The following CERT1 variants were observed in gnomAD, a reference collection of about 807,000 sequenced individuals.
CERT1 encodes the protein ceramide transporter 1, also known as ceramide transfer protein.
Under a neutral mutation model 87.9 loss-of-function variants are expected in CERT1, and 31 were observed. That is an observed-to-expected ratio of 0.35 (90% CI 0.27 to 0.48). The LOEUF (loss-of-function observed/expected upper bound fraction) is 0.48. CERT1 is among the 20% of genes least tolerant of loss of function. The probability of loss-of-function intolerance (pLI) is 0.99; values close to 1 mark genes in which losing one functional copy is unlikely to be tolerated. For missense variants in CERT1, 487 were observed against 758.0 expected (o/e 0.64, Z 4.20); for synonymous variants, 289 against 250.9 (o/e 1.15, Z -1.44).
chr5:75,432,502 T>C (rs1426140287), intron 3 of CERT1, among the ~76,000 whole-genome samples: 1 of 152,256 alleles, frequency 6.6e-6, no homozygotes, highest in African/African-American at 2.4e-5. Flanking sequence ...GATGGCAGCA[T>C]GGATGTCTTT....
At chr5:75,375,631 A>AAAT (rs1554033229), downstream of CERT1, 44 of 136,160 alleles carry the variant, frequency 3.2e-4, no homozygotes, top group South Asian at 4.0e-3. Flanking sequence ...ATAAATAAAT[A>AAAT]AAATAAATAA....
chr5:75,483,742 T>C (rs562411028), intron 2 of CERT1, among the ~76,000 whole-genome samples: 1 of 152,106 alleles, frequency 6.6e-6, no homozygotes, highest in Admixed American at 6.5e-5. Flanking sequence ...AAAAATATCC[T>C]TCAAACATGA....
chr5:75,416,357 A>G (rs1763134805), intron 7 of CERT1, among the ~76,000 whole-genome samples: 1 of 152,228 alleles, frequency 6.6e-6, no homozygotes, highest in Non-Finnish European at 1.5e-5. Context: ...ACTAGAAACT[A>G]AAGAGTCATA....
At chr5:75,477,137 T>C (rs1197515635) in intron 2 of CERT1, among the ~76,000 whole-genome samples, 2 of 152,218 alleles carry the variant, frequency 1.3e-5, no homozygotes, top group Admixed American at 6.5e-5. Flanking sequence ...AACTTTGGAA[T>C]CTTATTTTCC....
In CERT1 at chr5:75,498,286, A is replaced by T. The variant is rs527527374; in HGVS notation, c.231+7696T>A. ...ATTTTCTGGGGAGAAATTCAAGCCT[A>T]CTGCAAAAATTTGCATAAGTAACAA... On this transcript the variant is annotated intron_variant, in intron 2 of 16. Transcript: ENST00000643780. 3.9e-5 allele frequency among the ~76,000 whole-genome samples: 6 copies of T among 152,346 alleles called. No homozygotes were observed. The East Asian group carries it at 1.2e-3, about 29-fold the overall frequency.
chr5:75,490,493 AT>A (rs1399927302), intron 2 of CERT1, among the ~76,000 whole-genome samples: 1 of 149,080 alleles, frequency 6.7e-6, no homozygotes, highest in Admixed American at 6.7e-5. Context: ...CCTGTACGAA[AT>A]TTTTATTTAT....
intron 13 of CERT1, 34 bp downstream of exon 13, chr5:75,385,868 A>T: frequency 7.3e-7 from 1 of 1,370,252 alleles, no homozygotes; most frequent in Non-Finnish European, 9.5e-7. Flanking sequence ...AATTCAAAAT[A>T]ATAGATTAAA....
upstream of CERT1, chr5:75,511,921 A>G: frequency 2.5e-6 from 3 of 1,200,256 alleles, no homozygotes; most frequent in South Asian, 3.0e-5. Flanking sequence ...ACGGGTGAGT[A>G]TCCCGCGCGG....
chr5:75,450,012 T>C (rs1314632123), intron 3 of CERT1, among the ~76,000 whole-genome samples: 1 of 152,224 alleles, frequency 6.6e-6, no homozygotes, highest in Admixed American at 6.5e-5. Context: ...CTTTCTTCAC[T>C]ACTCAGTGTA....
chr5:75,377,761 T>C (rs1048578126), downstream of CERT1: 9 of 152,070 alleles, frequency 5.9e-5, no homozygotes, highest in African/African-American at 2.2e-4. Flanking sequence ...CAAGACAGGG[T>C]AAATTTTACT....
At position 75,385,930 on chromosome 5, in the gene CERT1, C is replaced by A; in HGVS notation, c.1389G>T (p.Trp463Cys). ...VTGHEVCNYF[W>C]NVDVRNDWET... Reference sequence around the variant, plus strand: ...CCCAGTCATTGCGAACGTCAACATTCCAGAAATAATTGCAGACTTCATGTC... The same window carrying A: ...CCCAGTCATTGCGAACGTCAACATTACAGAAATAATTGCAGACTTCATGTC... Residue 463 changes from tryptophan to cysteine, a missense_variant, in exon 13 of 17, where the codon TGG (tryptophan) becomes TGT (cysteine). Trp to Cys is a radical substitution (Grantham distance 215). This residue lies in a region of CERT1 where 147 missense variants were observed against 200.8 expected (regional missense o/e 0.73). Coordinates refer to ENST00000643780, the MANE Select transcript of CERT1 (RefSeq NM_001379029.1). 6.4e-7 allele frequency: 1 copy of A among 1,564,082 alleles called. No homozygotes were observed. The highest frequency in any genetic ancestry group is 8.6e-7 in the Non-Finnish European group (1 of 1,156,694).
At position 75,509,230 on chromosome 5, in the gene CERT1, C is replaced by G. The variant is rs903073078; in HGVS notation, c.96+1882G>C. On this transcript the variant is annotated intron_variant, in intron 1 of 16. Transcript: ENST00000643780. ...ACATTACTCAATGGAAGGAAAAGAACAAAATCCGAGTTCTGACCTTTGTTT... is the reference window on the plus strand; with the variant it reads ...ACATTACTCAATGGAAGGAAAAGAAGAAAATCCGAGTTCTGACCTTTGTTT... Among the ~76,000 whole-genome samples the G allele has an allele frequency of 3.3e-5, 5 of 152,160 alleles. No individual in the cohort carries two copies. In the South Asian group the frequency reaches 1.0e-3, roughly 32 times the overall value.
intron 3 of CERT1, among the ~76,000 whole-genome samples, chr5:75,448,548 C>A (rs879297367): frequency 6.6e-6 from 1 of 152,116 alleles, no homozygotes; most frequent in African/African-American, 2.4e-5. Flanking sequence ...TGAAAAAGTG[C>A]AGTTCTGTGT....
Position 75,396,714 on chromosome 5 carries a change from A to G in CERT1, c.1188+2596T>C, listed in dbSNP as rs141633253. On this transcript the variant is annotated intron_variant, in intron 11 of 16. Transcript: ENST00000643780. ...ATTGCACTCCAGCCTGGGCAACAAA[A>G]GCGAAACTCCGTCTCAAAAAAAAAA... 2.1e-3 allele frequency among the ~76,000 whole-genome samples: 308 copies of G among 146,064 alleles called. 1 individual carries two copies. The East Asian group carries it at 0.027, about 13-fold the overall frequency.
rs3761743 is a variant in CERT1 at position 75,389,695 on chromosome 5, A to G, written c.1189-8T>C. 0.26 allele frequency: 425,878 copies of G among 1,608,504 alleles called. 61,692 individuals are homozygous for G. Among genetic ancestry groups the G allele is most frequent in the African/African-American group, 0.53 (39,868 of 74,848 alleles). ...CTGCACCATCTCTTCAACCTTGAGA[A>G]GGGAGGAAAAAGGCATGAGAATCCA... On this transcript the variant is annotated splice_polypyrimidine_tract_variant and splice_region_variant and intron_variant, in intron 11 of 16. Coordinates refer to ENST00000643780, the MANE Select transcript of CERT1 (RefSeq NM_001379029.1).
At chr5:75,500,514 C>T (rs1354946754) in intron 2 of CERT1, among the ~76,000 whole-genome samples, 2 of 152,068 alleles carry the variant, frequency 1.3e-5, no homozygotes, top group Admixed American at 6.5e-5. Context: ...GGAATATATT[C>T]TTTTCTAATG....
At chr5:75,374,549 C>G, downstream of CERT1, 1 of 714,726 alleles carries the variant, frequency 1.4e-6, no homozygotes, top group Admixed American at 1.7e-5. Context: ...GTGCCTGATG[C>G]GTGCCCAAGG....
intron 2 of CERT1, among the ~76,000 whole-genome samples, chr5:75,478,051 G>A (rs1002831797): frequency 6.6e-6 from 1 of 152,180 alleles, no homozygotes; most frequent in East Asian, 1.9e-4. Flanking sequence ...AGTGACTCAC[G>A]CCTGTAATCC....
intron 5 of CERT1, among the ~76,000 whole-genome samples, 158 bp from the exon 6 acceptor site, chr5:75,419,582 A>T (rs1478328422): frequency 6.6e-6 from 1 of 152,212 alleles, no homozygotes; most frequent in Non-Finnish European, 1.5e-5. Context: ...TGCTCAATAA[A>T]TATCTACCTA....
Sources: allele counts gnomAD v4.1 joint callset (sites outside exome capture counted in the v4.1 genomes callset), GRCh38; gene constraint gnomAD v4.1.1; regional missense constraint gnomAD v4.1.1; transcripts MANE v1.5; gene names NCBI Gene and HGNC (gene_info 2026-07-23, HGNC 2026-07-21).